NCOR1: variants seen among roughly 807,000 people sequenced by gnomAD.
NCOR1 encodes the protein nuclear receptor corepressor 1, also known as protein phosphatase 1, regulatory subunit 109.
NCOR1 carries 63 observed loss-of-function variants against 288.1 expected under a neutral mutation model. The ratio of observed to expected loss-of-function variants is 0.22; its 90% confidence interval spans 0.18 to 0.27. The LOEUF (loss-of-function observed/expected upper bound fraction) is 0.27. NCOR1 is among the 10% of genes least tolerant of loss of function. The pLI is 1.00. For synonymous variants in NCOR1, 1,007 were observed against 1,065.9 expected, an observed-to-expected ratio of 0.94 and a Z score of 1.08; for missense variants, 2,397 against 3,019.2, an observed-to-expected ratio of 0.79 and a Z score of 4.83.
At chr17:16,205,033 C>T (rs2091318474) in intron 1 of NCOR1, among the ~76,000 whole-genome samples, 1 of 151,816 alleles carries the variant, frequency 6.6e-6, no homozygotes, top group African/African-American at 2.4e-5. Context: ...CCAGCCTGAC[C>T]AACAAGGAGA....
chr17:16,079,183 A>C (rs2062996634), intron 26 of NCOR1, among the ~76,000 whole-genome samples: 1 of 152,188 alleles, frequency 6.6e-6, no homozygotes, highest in Admixed American at 6.5e-5. Context: ...GTTTCAGTAA[A>C]TCTGGGGTAA....
chr17:16,138,353 A>C lies in NCOR1; in HGVS notation c.1353-141T>G. On this transcript the variant is annotated intron_variant, in intron 12 of 45. Transcript: ENST00000268712. Reference sequence around the variant, plus strand: ...TAATCCCAGCACTTTGGGAGGCCGAAGAAGGTGGATCACTTGAGGTCAGGA... The same window carrying C: ...TAATCCCAGCACTTTGGGAGGCCGACGAAGGTGGATCACTTGAGGTCAGGA... 7.8e-6 allele frequency: 5 copies of C among 642,980 alleles called. No homozygotes were observed. The South Asian group carries it at 1.0e-4, about 13-fold the overall frequency. 39.8% of individuals were successfully genotyped at this position (642,980 alleles called of 1,614,324 possible). A position where few individuals can be genotyped will look rare whatever the true frequency, so the allele number is the denominator to read the frequency against.
Position 16,068,121 on chromosome 17 carries a change from A to C in NCOR1, c.4514T>G (p.Val1505Gly). Residue 1505 changes from valine to glycine, a missense_variant and splice_region_variant, in exon 32 of 46, where the codon GTT (valine) becomes GGT (glycine). By Grantham distance (109) the Val-to-Gly change is moderately radical (BLOSUM62 -3). Coordinates refer to ENST00000268712, the MANE Select transcript of NCOR1 (RefSeq NM_006311.4). Reference sequence around the variant, plus strand: ...GGTAGACTTGTTAGAAGAAATTGTAACTGGAAAAAAAGAGCCAATGCCACA... The same window carrying C: ...GGTAGACTTGTTAGAAGAAATTGTACCTGGAAAAAAAGAGCCAATGCCACA... ...GSPMMNRTSD[V>G]TISSNKSTNH... The C allele has an allele frequency of 1.9e-6, 3 of 1,601,268 alleles. No individual in the cohort carries two copies. The highest frequency in any genetic ancestry group is 2.6e-6 in the Non-Finnish European group (3 of 1,172,380).
At chr17:16,168,792 G>A (rs1002863513) in intron 4 of NCOR1, among the ~76,000 whole-genome samples, 2 of 151,934 alleles carry the variant, frequency 1.3e-5, no homozygotes, top group African/African-American at 4.8e-5. Context: ...CCAACATGGT[G>A]AAACCTCGTC....
intron 20 of NCOR1, 39 bp downstream of exon 20, chr17:16,101,211 C>G: frequency 6.5e-7 from 1 of 1,529,792 alleles, no homozygotes; most frequent in South Asian, 1.3e-5. Flanking sequence ...CACCAACCAG[C>G]AGAGTAAGCA....
intron 40 of NCOR1, chr17:16,056,918 A>G (rs1311371630): frequency 1.3e-5 from 2 of 151,948 alleles, no homozygotes; most frequent in African/African-American, 2.4e-5. Flanking sequence ...ATATATATAT[A>G]TAAAATTATT....
In NCOR1 at chr17:16,032,672, T is replaced by G. The variant is rs796384345; in HGVS notation, c.7136-189A>C. The stretch of plus-strand genomic sequence containing the variant: ...AATCCTAGCCAATGATATATAGCAG[T>G]CAGTGCGGGTCCAAAAAAGAAGAGT... On this transcript the variant is annotated intron_variant, in intron 45 of 45. Transcript: ENST00000268712. 9.9e-5 allele frequency among the ~76,000 whole-genome samples: 15 copies of G among 152,248 alleles called. 1 individual carries two copies. The highest frequency in any genetic ancestry group is 3.4e-4 in the African/African-American group (14 of 41,544).
chr17:16,112,279 T>C (rs1259474756), intron 18 of NCOR1, among the ~76,000 whole-genome samples: 1 of 152,244 alleles, frequency 6.6e-6, no homozygotes, highest in African/African-American at 2.4e-5. Flanking sequence ...GTAGACTTTT[T>C]CATGTTTTGG....
chr17:16,168,546 G>A (rs1190975528), intron 4 of NCOR1, among the ~76,000 whole-genome samples: 6 of 151,998 alleles, frequency 3.9e-5, no homozygotes, highest in Admixed American at 2.0e-4. Context: ...TTAAGAACTG[G>A]CCCTACTCTT....
At chr17:16,061,089 T>A (rs964248389) in intron 37 of NCOR1, among the ~76,000 whole-genome samples, 1 of 152,180 alleles carries the variant, frequency 6.6e-6, no homozygotes, top group East Asian at 1.9e-4. Context: ...AAATTACACC[T>A]CAGTAGCCCA....
At chr17:16,090,995 C>A (rs1207908448) in intron 22 of NCOR1, among the ~76,000 whole-genome samples, 1 of 152,172 alleles carries the variant, frequency 6.6e-6, no homozygotes, top group Non-Finnish European at 1.5e-5. Flanking sequence ...TAAACTCATT[C>A]TTAACCAGAA....
At chr17:16,191,823 A>T (rs1341484258) in intron 2 of NCOR1, 1 of 152,138 alleles carries the variant, frequency 6.6e-6, no homozygotes, top group Non-Finnish European at 1.5e-5. Context: ...TCATTCAAAA[A>T]GCACAACAGC....
At chr17:16,064,425 C>T (rs2060890872) in intron 34 of NCOR1, among the ~76,000 whole-genome samples, 2 of 152,086 alleles carry the variant, frequency 1.3e-5, no homozygotes, top group African/African-American at 4.8e-5. Context: ...CATAGTGAGA[C>T]CCTGTCTCTA....
chr17:16,145,895 T>C (rs2077912912), intron 10 of NCOR1, among the ~76,000 whole-genome samples: 1 of 152,184 alleles, frequency 6.6e-6, no homozygotes. Flanking sequence ...ATCAGATTGT[T>C]ACTGTGTCCG....
intron 19 of NCOR1, among the ~76,000 whole-genome samples, chr17:16,107,407 G>A (rs190046624): frequency 4.7e-4 from 72 of 152,194 alleles, no homozygotes; most frequent in African/African-American, 1.5e-3. Flanking sequence ...CCAGGAGTGC[G>A]CACACCCAAA....
Position 16,034,802 on chromosome 17 carries a change from C to T in NCOR1, c.7098G>A (p.Thr2366=), listed in dbSNP as rs1973840909. The T allele has an allele frequency of 3.7e-6, 6 of 1,613,712 alleles. No individual in the cohort carries two copies. The highest frequency in any genetic ancestry group is 2.7e-5 in the African/African-American group (2 of 74,884). The change falls in exon 45 of 46, where the codon ACG becomes ACA. Residue 2366 remains threonine (T), a synonymous_variant. Coordinates refer to ENST00000268712, the MANE Select transcript of NCOR1 (RefSeq NM_006311.4). ...GCCTGTCTTCCCAGGCCCACCCTGGCGTCTGCCTATGGTAATCCCCTTCTG... is the reference window on the plus strand; with the variant it reads ...GCCTGTCTTCCCAGGCCCACCCTGGTGTCTGCCTATGGTAATCCCCTTCTG... ...VHSEGDYHRQ[T]PGWAWEDRPS...
chr17:16,075,012 C>T (rs191133844), intron 27 of NCOR1, among the ~76,000 whole-genome samples: 1 of 152,062 alleles, frequency 6.6e-6, no homozygotes, highest in Non-Finnish European at 1.5e-5. Flanking sequence ...GGACTACAGG[C>T]GCCCGCCACC....
chr17:16,041,560 C>A (rs1257018133), intron 42 of NCOR1, among the ~76,000 whole-genome samples: 2 of 150,972 alleles, frequency 1.3e-5, no homozygotes, highest in East Asian at 2.0e-4. Context: ...ATTATAGGCC[C>A]CCCGCCACCA....
At chr17:16,071,347 C>A (rs2061742360) in intron 30 of NCOR1, 62 bp downstream of exon 30, 2 of 1,557,870 alleles carry the variant, frequency 1.3e-6, no homozygotes, top group African/African-American at 2.8e-5. Flanking sequence ...ATTATTAAGT[C>A]ACACTTTTTT....
Sources: gnomAD v4.1 joint callset for allele counts (sites outside exome capture counted in the v4.1 genomes callset) on GRCh38, gnomAD v4.1.1 for gene constraint, MANE v1.5 for transcripts, NCBI Gene and HGNC (gene_info 2026-07-23, HGNC 2026-07-21) for gene names.